Variants in SYT1 observed in about 807,000 individuals in gnomAD.
SYT1 encodes synaptotagmin 1.
In SYT1, 8 loss-of-function variants were observed where a neutral mutation model predicts 44.8. The ratio of observed to expected loss-of-function variants is 0.18; its 90% CI spans 0.10 to 0.32. The LOEUF (loss-of-function observed/expected upper bound fraction) is 0.32. Ranked by LOEUF, SYT1 falls within the 10% of genes least tolerant of loss-of-function variation. The pLI is 1.00. For synonymous variants in SYT1, 154 were observed against 188.8 expected, an observed-to-expected ratio of 0.82 and a Z score of 1.51; for missense variants, 286 against 509.3, an observed-to-expected ratio of 0.56 and a Z score of 4.22.
chr12:79,251,571 CCA>C (rs1877212876), intron 4 of SYT1, among the ~76,000 whole-genome samples: 1 of 152,136 alleles, frequency 6.6e-6, no homozygotes, highest in Non-Finnish European at 1.5e-5. Flanking sequence ...CTATGGATAA[CCA>C]CACTCTGTAG....
intron 3 of SYT1, among the ~76,000 whole-genome samples, chr12:79,062,645 G>A (rs1875476322): frequency 1.3e-5 from 2 of 152,072 alleles, no homozygotes; most frequent in African/African-American, 4.8e-5. Flanking sequence ...ACTGAAACTT[G>A]AAATATAAAG....
intron 9 of SYT1, among the ~76,000 whole-genome samples, chr12:79,361,811 A>G (rs1012802228): frequency 2.7e-4 from 41 of 152,310 alleles, no homozygotes; most frequent in African/African-American, 9.9e-4. Context: ...GGTAGAAGAG[A>G]GTCCAAGTTT....
intron 9 of SYT1, among the ~76,000 whole-genome samples, chr12:79,403,023 T>G (rs1885124093): frequency 6.6e-6 from 1 of 152,224 alleles, no homozygotes; most frequent in Non-Finnish European, 1.5e-5. Flanking sequence ...GGAGGAAAGA[T>G]AGCCCCATAT....
At chr12:79,213,868 GC>G (rs775930531) in intron 3 of SYT1, among the ~76,000 whole-genome samples, 6 of 152,176 alleles carry the variant, frequency 3.9e-5, no homozygotes, top group Non-Finnish European at 7.3e-5. Context: ...GTTGCAGTGA[GC>G]AGAAATTGCA....
In SYT1 at chr12:79,179,236, A is replaced by C. The variant is rs1361280844; in HGVS notation, c.-17-38267A>C. Among the ~76,000 whole-genome samples, 8 of 75,634 alleles carry C rather than the reference A, an allele frequency of 1.1e-4. 1 individual carries two copies. In the East Asian group the frequency reaches 1.8e-3, roughly 17 times the overall value. 49.6% of individuals were successfully genotyped at this position (75,634 alleles called of 152,430 possible). A position where few individuals can be genotyped will look rare whatever the true frequency, so the allele number is the denominator to read the frequency against. ...TATAGATATATAGATATAGATATAG[A>C]TATATAGATATAGATATAGATATAG... On this transcript the variant is annotated intron_variant, in intron 3 of 10. Coordinates refer to ENST00000261205, the MANE Select transcript of SYT1 (RefSeq NM_005639.3).
chr12:78,910,344 A>C (rs1456095123), intron 1 of SYT1, among the ~76,000 whole-genome samples: 1 of 151,964 alleles, frequency 6.6e-6, no homozygotes, highest in Admixed American at 6.6e-5. Context: ...TTTATTGCAT[A>C]TCCAGTGTGT....
chr12:79,028,574 T>A (rs889728842), intron 2 of SYT1, among the ~76,000 whole-genome samples: 1 of 151,284 alleles, frequency 6.6e-6, no homozygotes, highest in Non-Finnish European at 1.5e-5. Context: ...TCAATACATC[T>A]TTGTTGGATA....
At chr12:79,027,164 A>T (rs1872587366) in intron 2 of SYT1, among the ~76,000 whole-genome samples, 1 of 151,486 alleles carries the variant, frequency 6.6e-6, no homozygotes, top group African/African-American at 2.4e-5. Flanking sequence ...TCTCTCCAGG[A>T]AGTTTCTTAC....
intron 1 of SYT1, among the ~76,000 whole-genome samples, chr12:78,885,081 C>T (rs1317135455): frequency 6.6e-6 from 1 of 151,922 alleles, no homozygotes; most frequent in Non-Finnish European, 1.5e-5. Flanking sequence ...ATTTGGATTT[C>T]AATCCACTAG....
chr12:79,293,820 A>G (rs570022285), intron 6 of SYT1, among the ~76,000 whole-genome samples: 3 of 152,212 alleles, frequency 2.0e-5, no homozygotes, highest in Admixed American at 6.5e-5. Context: ...ATTACATAAT[A>G]CATTCTAGAA....
At chr12:79,159,927 T>C (rs1488286644) in intron 3 of SYT1, among the ~76,000 whole-genome samples, 1 of 152,146 alleles carries the variant, frequency 6.6e-6, no homozygotes, top group Non-Finnish European at 1.5e-5. Flanking sequence ...AAAAGTAGAA[T>C]TGATCACTGG....
intron 3 of SYT1, among the ~76,000 whole-genome samples, chr12:79,100,025 T>C (rs1408515459): frequency 1.3e-5 from 2 of 152,174 alleles, no homozygotes; most frequent in South Asian, 2.1e-4. Context: ...TAATTGTACA[T>C]GTTCTTTGAA....
intron 9 of SYT1, among the ~76,000 whole-genome samples, chr12:79,355,434 C>T (rs956874771): frequency 1.2e-4 from 19 of 152,154 alleles, no homozygotes; most frequent in Non-Finnish European, 1.9e-4. Flanking sequence ...TCAGGATCCT[C>T]ACAACCTGGG....
chr12:79,212,234 C>T (rs1323401467), intron 3 of SYT1, among the ~76,000 whole-genome samples: 1 of 152,046 alleles, frequency 6.6e-6, no homozygotes, highest in Non-Finnish European at 1.5e-5. Context: ...AGCTGGAAGC[C>T]ATCATTCTCA....
At chr12:79,274,576 G>GC (rs1195442649) in intron 4 of SYT1, among the ~76,000 whole-genome samples, 3 of 152,130 alleles carry the variant, frequency 2.0e-5, no homozygotes, top group Non-Finnish European at 2.9e-5. Context: ...CGCAAACTTG[G>GC]CTCACCCAAC....
At chr12:78,913,182 A>G (rs1280433757) in intron 1 of SYT1, among the ~76,000 whole-genome samples, 3 of 151,496 alleles carry the variant, frequency 2.0e-5, no homozygotes, top group African/African-American at 4.8e-5. Context: ...GATATGTTTT[A>G]TTTAATTATT....
chr12:79,368,572 T>G (rs1883650227), intron 9 of SYT1, among the ~76,000 whole-genome samples: 1 of 150,334 alleles, frequency 6.7e-6, no homozygotes, highest in Non-Finnish European at 1.5e-5. Flanking sequence ...GTTTCCTGAC[T>G]TTTTAATGAT....
intron 4 of SYT1, among the ~76,000 whole-genome samples, chr12:79,245,343 C>T (rs1326689424): frequency 2.0e-5 from 3 of 149,024 alleles, no homozygotes; most frequent in African/African-American, 7.4e-5. Flanking sequence ...GGCATGTTAG[C>T]GGGCGCCTGT....
intron 3 of SYT1, among the ~76,000 whole-genome samples, chr12:79,098,414 C>T (rs2138037852): frequency 6.6e-6 from 1 of 151,962 alleles, no homozygotes; most frequent in Non-Finnish European, 1.5e-5. Flanking sequence ...CAACAAGAGC[C>T]CAATAAGTAT....
Sources: gnomAD v4.1 joint callset for allele counts (sites outside exome capture counted in the v4.1 genomes callset) on GRCh38, gnomAD v4.1.1 for gene constraint, MANE v1.5 for transcripts, NCBI Gene and HGNC (gene_info 2026-07-23, HGNC 2026-07-21) for gene names.